The following PTPRD variants were observed in gnomAD, a reference collection of about 807,000 sequenced individuals.
PTPRD encodes the protein receptor-type tyrosine-protein phosphatase delta.
PTPRD carries 34 observed loss-of-function variants against 214.5 expected under a neutral mutation model. The observed-to-expected ratio is 0.16, with a 90% CI of 0.12 to 0.21. The LOEUF is 0.21. PTPRD is among the 10% of genes least tolerant of loss of function. PTPRD has a pLI of 1.00. For missense variants in PTPRD, 2,545 were observed against 2,398.7 expected, an observed-to-expected ratio of 1.06 and a Z score of -1.27; for synonymous variants, 1,128 against 845.7, an observed-to-expected ratio of 1.33 and a Z score of -5.79.
At position 9,195,385 on chromosome 9, in the gene PTPRD, GA is replaced by G. The variant is rs538645128; in HGVS notation, c.-202-12023del. ...AGGATGAAACATGCTTTGGGTGATA[GA>G]AACTGTGTTCACTATCAACAGAATA... is the stretch of plus-strand genomic sequence containing the variant. On this transcript the variant is annotated intron_variant, in intron 9 of 45. Coordinates refer to ENST00000381196, the MANE Select transcript of PTPRD (RefSeq NM_002839.4). 2.1e-3 allele frequency among the ~76,000 whole-genome samples: 312 copies of G among 152,164 alleles called. 2 individuals are homozygous for G. The highest frequency in any genetic ancestry group is 6.8e-3 in the African/African-American group (284 of 41,542).
At chr9:10,130,106 T>C (rs903548934) in intron 3 of PTPRD, among the ~76,000 whole-genome samples, 2 of 151,996 alleles carry the variant, frequency 1.3e-5, no homozygotes, top group Non-Finnish European at 2.9e-5. Context: ...ATGGCTCCCA[T>C]TCCTCTTGTA....
intron 44 of PTPRD, among the ~76,000 whole-genome samples, chr9:8,325,390 T>C (rs1449119399): frequency 7.4e-5 from 11 of 149,198 alleles, no homozygotes; most frequent in African/African-American, 1.7e-4. Flanking sequence ...TTGTCAAAGA[T>C]AAGATGTTTG....
chr9:10,564,168 A>ATTTTTTTTTTTTTTTTT (rs1591017043), intron 2 of PTPRD, among the ~76,000 whole-genome samples: 1 of 11,880 alleles, frequency 8.4e-5, no homozygotes, highest in Non-Finnish European at 1.9e-4. Flanking sequence ...ACACTAGGCT[A>ATTTTTTTTTTTTTTTTT]TTCTTTTTTT....
chr9:9,857,031 T>C (rs2061686619), intron 5 of PTPRD, among the ~76,000 whole-genome samples: 3 of 152,172 alleles, frequency 2.0e-5, no homozygotes, highest in Admixed American at 1.3e-4. Context: ...GCCTTGGAAG[T>C]AGGCACTTTG....
chr9:9,139,849 C>T (rs1258183815), intron 10 of PTPRD, among the ~76,000 whole-genome samples: 1 of 152,124 alleles, frequency 6.6e-6, no homozygotes, highest in African/African-American at 2.4e-5. Context: ...TTGAACTATT[C>T]TACCCTTAGG....
chr9:9,885,561 G>C (rs1204233544), intron 5 of PTPRD, among the ~76,000 whole-genome samples: 1 of 151,994 alleles, frequency 6.6e-6, no homozygotes, highest in South Asian at 2.1e-4. Context: ...TTTGAGATGG[G>C]GGGACTAGTC....
chr9:9,546,118 T>G (rs1266940665), intron 8 of PTPRD, among the ~76,000 whole-genome samples: 1 of 151,632 alleles, frequency 6.6e-6, no homozygotes, highest in Non-Finnish European at 1.5e-5. Flanking sequence ...TATATAGCAG[T>G]TTTTTTCACT....
intron 2 of PTPRD, among the ~76,000 whole-genome samples, chr9:10,539,162 G>T (rs981036590): frequency 6.6e-6 from 1 of 152,120 alleles, no homozygotes; most frequent in Non-Finnish European, 1.5e-5. Context: ...AACAGCATTT[G>T]AATTTATCAT....
At chr9:8,405,661 C>A (rs1006903083) in intron 35 of PTPRD, among the ~76,000 whole-genome samples, 1 of 152,022 alleles carries the variant, frequency 6.6e-6, no homozygotes, top group Admixed American at 6.6e-5. Context: ...TATGGAAACA[C>A]AAGTTCATTA....
At chr9:8,460,620 A>G (rs1460381669) in intron 32 of PTPRD, 49 bp from the exon 33 acceptor site, 4 of 1,576,344 alleles carry the variant, frequency 2.5e-6, no homozygotes, top group East Asian at 4.5e-5. Flanking sequence ...GACTTTCTAG[A>G]TAAGTACCTT....
At chr9:10,501,638 T>C (rs965289779) in intron 2 of PTPRD, among the ~76,000 whole-genome samples, 4 of 152,002 alleles carry the variant, frequency 2.6e-5, no homozygotes, top group African/African-American at 9.7e-5. Context: ...CTTGGGGGAA[T>C]TAGACAAAGG....
Position 10,034,853 on chromosome 9 carries a change from C to T in PTPRD, c.-544-1063G>A, listed in dbSNP as rs1238557184. Among the ~76,000 whole-genome samples, 9 of 152,168 alleles carry T rather than the reference C, an allele frequency of 5.9e-5. No homozygotes were observed. In the South Asian group the frequency reaches 8.3e-4, roughly 14 times the overall value. ...TTGATGGTCATTTAGGTTGATTACA[C>T]GTTTTTGCTATTGTGAATAGTGCTG... On this transcript the variant is annotated intron_variant, in intron 3 of 45. Coordinates refer to ENST00000381196, the MANE Select transcript of PTPRD (RefSeq NM_002839.4).
At chr9:8,792,394 G>A (rs118144131) in intron 11 of PTPRD, among the ~76,000 whole-genome samples, 1,653 of 152,240 alleles carry the variant, frequency 0.011, 19 homozygotes, top group East Asian at 0.058. Context: ...TAGTTTATAC[G>A]GAGCCAAGGT....
At chr9:10,334,715 G>T (rs2096814316) in intron 3 of PTPRD, among the ~76,000 whole-genome samples, 1 of 151,450 alleles carries the variant, frequency 6.6e-6, no homozygotes, top group African/African-American at 2.4e-5. Context: ...GTTATAGCAA[G>T]GATTCAGCAC....
chr9:10,089,388 C>A (rs1303894524), intron 3 of PTPRD, among the ~76,000 whole-genome samples: 1 of 151,386 alleles, frequency 6.6e-6, no homozygotes, highest in East Asian at 2.0e-4. Flanking sequence ...ATTTTGCCTT[C>A]TTTTTGTTTT....
At chr9:9,656,750 T>C (rs1021775820) in intron 7 of PTPRD, among the ~76,000 whole-genome samples, 6 of 152,132 alleles carry the variant, frequency 3.9e-5, no homozygotes, top group Non-Finnish European at 5.9e-5. Flanking sequence ...TGAATCCTAA[T>C]GTGAACTATG....
rs551610360 is a variant in PTPRD at position 10,531,110 on chromosome 9, C to G, written c.-600+81288G>C. 2.6e-5 allele frequency among the ~76,000 whole-genome samples: 4 copies of G among 152,078 alleles called. No individual in the cohort carries two copies. The South Asian group carries it at 6.2e-4, about 24-fold the overall frequency. ...GATTGCAGGTGCAAGCCACCACGCC[C>G]GGCTAATTTTTGTATTTTTAGTAGA... is the stretch of plus-strand genomic sequence containing the variant. On this transcript the variant is annotated intron_variant, in intron 2 of 45. Transcript: ENST00000381196.
chr9:10,551,614 G>A (rs28619147), intron 2 of PTPRD, among the ~76,000 whole-genome samples: 3 of 152,056 alleles, frequency 2.0e-5, no homozygotes, highest in African/African-American at 7.2e-5. Context: ...AACCAGACAT[G>A]GAATCTGCCA....
At chr9:10,270,814 C>A (rs568200715) in intron 3 of PTPRD, among the ~76,000 whole-genome samples, 1 of 152,074 alleles carries the variant, frequency 6.6e-6, no homozygotes, top group South Asian at 2.1e-4. Context: ...TTTTTCCTAA[C>A]ATTATGTAAA....
Sources: gnomAD v4.1 joint callset for allele counts (sites outside exome capture counted in the v4.1 genomes callset) on GRCh38, gnomAD v4.1.1 for gene constraint, MANE v1.5 for transcripts, NCBI Gene and HGNC (gene_info 2026-07-23, HGNC 2026-07-21) for gene names.